Variants in INTU observed in about 807,000 individuals in gnomAD.
INTU encodes the protein protein inturned.
A neutral mutation model predicts 100.5 loss-of-function variants in INTU; 68 were observed. The observed-to-expected ratio is 0.68, with a 90% CI of 0.56 to 0.83. The LOEUF is 0.83. INTU is among the 40% of genes least tolerant of loss of function. The pLI is 0.00. For synonymous variants in INTU, 357 were observed against 395.7 expected (o/e 0.90, Z 1.16); for missense variants, 1,071 against 1,114.7 (o/e 0.96, Z 0.56).
At chr4:127,638,631 T>G (rs1172968900) in intron 1 of INTU, among the ~76,000 whole-genome samples, 1 of 152,214 alleles carries the variant, frequency 6.6e-6, no homozygotes, top group Non-Finnish European at 1.5e-5. Context: ...AATATATTTA[T>G]GTTACAGCTT....
intron 14 of INTU, among the ~76,000 whole-genome samples, chr4:127,712,045 T>C (rs986787488): frequency 1.3e-5 from 2 of 152,240 alleles, no homozygotes; most frequent in Non-Finnish European, 2.9e-5. Context: ...TGTGACGTTA[T>C]ACAGCCAAAA....
intron 2 of INTU, among the ~76,000 whole-genome samples, chr4:127,647,957 T>C (rs1727665225): frequency 6.7e-6 from 1 of 148,830 alleles, no homozygotes; most frequent in African/African-American, 2.5e-5. Flanking sequence ...GTACACATGT[T>C]GTTTGATGTT....
chr4:127,712,812 G>A (rs34566904), intron 14 of INTU, among the ~76,000 whole-genome samples: 35 of 152,322 alleles, frequency 2.3e-4, no homozygotes, highest in Non-Finnish European at 4.3e-4. Flanking sequence ...ACCGCCTGAG[G>A]TCTGCCTCCT....
chr4:127,701,351 A>C (rs1321425459), intron 9 of INTU, among the ~76,000 whole-genome samples: 1 of 152,190 alleles, frequency 6.6e-6, no homozygotes, highest in Admixed American at 6.5e-5. Context: ...GAATATTATC[A>C]ACCAAGTGTA....
intron 3 of INTU, among the ~76,000 whole-genome samples, chr4:127,657,953 A>C (rs1728310349): frequency 6.6e-6 from 1 of 152,166 alleles, no homozygotes; most frequent in Admixed American, 6.5e-5. Flanking sequence ...GCATGAAACC[A>C]GGCCCTGGTG....
chr4:127,700,395 C>T (rs1730596474), intron 9 of INTU, among the ~76,000 whole-genome samples: 1 of 152,114 alleles, frequency 6.6e-6, no homozygotes, highest in South Asian at 2.1e-4. Flanking sequence ...GTGTCAATAT[C>T]GTTTTTAATC....
chr4:127,687,203 A>G (rs1729867002), intron 7 of INTU: 1 of 152,266 alleles, frequency 6.6e-6, no homozygotes, highest in South Asian at 2.1e-4. Flanking sequence ...TGGAAACCAA[A>G]GTTAGAGAAA....
intron 2 of INTU, among the ~76,000 whole-genome samples, chr4:127,644,601 C>A (rs1251071697): frequency 6.6e-6 from 1 of 152,020 alleles, no homozygotes; most frequent in Non-Finnish European, 1.5e-5. Flanking sequence ...AATAGCCCAC[C>A]AATTTTCAAG....
At chr4:127,699,914 C>A in intron 8 of INTU, 96 bp from the exon 9 acceptor site, 1 of 738,232 alleles carries the variant, frequency 1.4e-6, no homozygotes, top group Non-Finnish European at 2.2e-6. Context: ...CTCAATTTTT[C>A]AAGTAGTAAT....
rs114141389 is a variant in INTU at position 127,713,804 on chromosome 4, T to G, written c.2560-132T>G. On this transcript the variant is annotated intron_variant, in intron 14 of 15. Coordinates refer to ENST00000335251, the MANE Select transcript of INTU (RefSeq NM_015693.4). ...AAGTTTTGAGGAAGAGTAGAAATTT[T>G]CCTGCAGATAAGAAGAATGTCATTG... 1,497 of 589,518 alleles carry G rather than the reference T, an allele frequency of 2.5e-3. 17 individuals are homozygous for G. Among genetic ancestry groups the G allele is most frequent in the African/African-American group, 0.024 (1,321 of 54,234 alleles). The allele number at this position is 589,518 out of a possible 1,614,324, so 36.5% of individuals were successfully genotyped here.
At chr4:127,670,127 G>T (rs1056982154) in intron 5 of INTU, among the ~76,000 whole-genome samples, 1 of 151,634 alleles carries the variant, frequency 6.6e-6, no homozygotes, top group East Asian at 1.9e-4. Context: ...GGAGGAAAAG[G>T]CTCAAAGCTT....
In INTU at chr4:127,665,973, G is replaced by A. The variant is rs372018781; in HGVS notation, c.972+2389G>A. Among the ~76,000 whole-genome samples the A allele has an allele frequency of 5.3e-5, 8 of 152,176 alleles. No individual in the cohort carries two copies. In the East Asian group the frequency reaches 1.4e-3, roughly 26 times the overall value. On this transcript the variant is annotated intron_variant, in intron 4 of 15. Transcript: ENST00000335251. ...ATTTTCTCTAATCTATTTGAAGATA[G>A]TATCCCTTTGTCTTTTGACCTCTAT...
At chr4:127,653,669 G>A (rs1278599348) in intron 2 of INTU, among the ~76,000 whole-genome samples, 3 of 150,456 alleles carry the variant, frequency 2.0e-5, no homozygotes. Context: ...GAATAGGTGT[G>A]GTGTGGTGCT....
At chr4:127,664,377 T>C (rs1466958180) in intron 4 of INTU, among the ~76,000 whole-genome samples, 3 of 152,060 alleles carry the variant, frequency 2.0e-5, no homozygotes, top group African/African-American at 7.2e-5. Context: ...CTCAATGTTT[T>C]GAGGCTGTTA....
Position 127,706,730 on chromosome 4 carries a change from A to C in INTU, c.2032A>C (p.Ser678Arg). Residue 678 changes from serine (S) to arginine (R), a missense_variant, in exon 12 of 16, where the codon AGT (serine) becomes CGT (arginine). Physicochemically the swap from Ser to Arg is moderately radical, Grantham distance 110. Transcript: ENST00000335251. ...TDSLTTSPIL[S>R]RLQGTSKVAT... ...TAGCTTGACCACTTCGCCTATTCTCAGTAGGCTACAAGGTACTTCCAAAGT... is the reference window on the plus strand; with the variant it reads ...TAGCTTGACCACTTCGCCTATTCTCCGTAGGCTACAAGGTACTTCCAAAGT... 2.5e-6 allele frequency: 4 copies of C among 1,614,116 alleles called. No individual in the cohort carries two copies. The highest frequency in any genetic ancestry group is 3.4e-6 in the Non-Finnish European group (4 of 1,179,982).
chr4:127,703,152 T>C (rs1454388055), intron 9 of INTU, among the ~76,000 whole-genome samples: 4 of 152,226 alleles, frequency 2.6e-5, no homozygotes, highest in Non-Finnish European at 5.9e-5. Context: ...TTCCTGCTAT[T>C]GTACAGGCAG....
intron 1 of INTU, among the ~76,000 whole-genome samples, chr4:127,633,668 A>AC (rs1444092715): frequency 6.6e-6 from 1 of 152,170 alleles, no homozygotes; most frequent in Non-Finnish European, 1.5e-5. Context: ...AGGAACGCCC[A>AC]CCCATAGTCT....
chr4:127,676,935 C>T (rs1560854263), intron 6 of INTU, among the ~76,000 whole-genome samples: 1 of 152,188 alleles, frequency 6.6e-6, no homozygotes, highest in Admixed American at 6.5e-5. Context: ...AAAAGGCGCA[C>T]CAGGAGATTA....
intron 2 of INTU, among the ~76,000 whole-genome samples, chr4:127,648,261 C>G (rs753677880): frequency 6.6e-6 from 1 of 152,032 alleles, no homozygotes; most frequent in African/African-American, 2.4e-5. Flanking sequence ...GTGCGATGTC[C>G]GGGAAGCCAG....
Sources: allele counts gnomAD v4.1 joint callset (sites outside exome capture counted in the v4.1 genomes callset), GRCh38; gene constraint gnomAD v4.1.1; transcripts MANE v1.5; gene names NCBI Gene and HGNC (gene_info 2026-07-23, HGNC 2026-07-21).